NT5DC4: variants seen among roughly 807,000 people sequenced by gnomAD.
The protein encoded by NT5DC4 is 5'-nucleotidase domain-containing protein 4.
NT5DC4 carries 44 observed loss-of-function variants against 26.6 expected under a neutral mutation model. The ratio of observed to expected loss-of-function variants is 1.65; its 90% CI spans 1.30 to 2.13. The LOEUF (loss-of-function observed/expected upper bound fraction) is 2.13. Among genes scored for constraint, NT5DC4 ranks in the 30% most tolerant of loss-of-function variants. The pLI is 0.00. For missense variants in NT5DC4, 399 were observed against 228.1 expected, an observed-to-expected ratio of 1.75 and a Z score of -4.83; for synonymous variants, 157 against 86.7, an observed-to-expected ratio of 1.81 and a Z score of -4.51.
chr2:112,735,038 A>ATTTTTTTTTTTT (rs70965024), intron 16 of NT5DC4, among the ~76,000 whole-genome samples: 1 of 94,492 alleles, frequency 1.1e-5, no homozygotes. Flanking sequence ...AGGCAAGAAC[A>ATTTTTTTTTTTT]TTTTTTTTTT....
At chr2:112,719,970 CTTTCTTTCTTTCTTTCTT>C (rs1397151157), upstream of NT5DC4, among the ~76,000 whole-genome samples, 1 of 80,782 alleles carries the variant, frequency 1.2e-5, no homozygotes, top group African/African-American at 5.0e-5. Context: ...TTCTTTCTTT[CTTTCTTTCTTTCTTTCTT>C]TTTCTTTTCT....
intron 15 of NT5DC4, 51 bp from the exon 16 acceptor site, chr2:112,729,576 G>A: frequency 1.4e-6 from 1 of 716,982 alleles, no homozygotes; most frequent in Non-Finnish European, 2.6e-6. Context: ...AATCCTGGAA[G>A]GCCGTACCCG....
upstream of NT5DC4, among the ~76,000 whole-genome samples, chr2:112,719,970 C>CT (rs869063011): frequency 1.4e-4 from 11 of 80,804 alleles, no homozygotes; most frequent in South Asian, 6.7e-4. Flanking sequence ...TTCTTTCTTT[C>CT]TTTCTTTCTT....
At chr2:112,733,325 C>G (rs1678700540) in intron 16 of NT5DC4, among the ~76,000 whole-genome samples, 1 of 150,740 alleles carries the variant, frequency 6.6e-6, no homozygotes, top group African/African-American at 2.4e-5. Context: ...AGAAGCACAC[C>G]ATTGCTTCCA....
At chr2:112,719,980 T>TTC (rs1216308654), upstream of NT5DC4, among the ~76,000 whole-genome samples, 23 of 124,694 alleles carry the variant, frequency 1.8e-4, no homozygotes, top group South Asian at 2.7e-3. Flanking sequence ...CTTTCTTTCT[T>TTC]TCTTTCTTTT....
At chr2:112,720,660 C>A (rs371113993), upstream of NT5DC4, among the ~76,000 whole-genome samples, 7 of 152,328 alleles carry the variant, frequency 4.6e-5, no homozygotes, top group East Asian at 1.2e-3. Context: ...AATTTGATAA[C>A]CAAATGTGTC....
upstream of NT5DC4, among the ~76,000 whole-genome samples, chr2:112,719,926 C>A (rs55742996): frequency 1.8e-4 from 3 of 16,916 alleles, no homozygotes; most frequent in East Asian, 4.4e-3. Flanking sequence ...CTTTCTTTCT[C>A]TTTCTTTCTT....
downstream of NT5DC4, among the ~76,000 whole-genome samples, chr2:112,740,125 C>T (rs966472289): frequency 6.6e-6 from 1 of 152,222 alleles, no homozygotes; most frequent in Non-Finnish European, 1.5e-5. Context: ...TTTTCATCTA[C>T]TTATGAGCTG....
downstream of NT5DC4, chr2:112,742,284 A>G: frequency 1.5e-6 from 1 of 683,682 alleles, no homozygotes; most frequent in Admixed American, 2.1e-5. Flanking sequence ...ACTGACAGTG[A>G]TGGTCATCCA....
chr2:112,737,965 T>G (rs1180120070), intron 16 of NT5DC4: 1 of 152,228 alleles, frequency 6.6e-6, no homozygotes, highest in African/African-American at 2.4e-5. Context: ...TACACAATTA[T>G]ATTTACATAA....
rs922610729 is a variant in NT5DC4 at position 112,722,296 on chromosome 2, C to T, written c.362+18C>T. The stretch of plus-strand genomic sequence containing the variant: ...CTCTCGGAGTAAGGGACAAAGGTGC[C>T]GGGAGAGTGGCAGGCCAGGAGGGGA... On this transcript the variant is annotated intron_variant, in intron 4 of 16. Coordinates refer to ENST00000688554, the MANE Select transcript of NT5DC4 (RefSeq NM_001393655.1). 21 of 716,868 alleles carry T rather than the reference C, an allele frequency of 2.9e-5. No homozygotes were observed. Among genetic ancestry groups the T allele is most frequent in the Admixed American group, 1.2e-4 (6 of 50,000 alleles). The allele number at this position is 716,868 out of a possible 1,614,324, so 44.4% of individuals were successfully genotyped here.
At chr2:112,722,128 G>C in intron 3 of NT5DC4, 25 bp downstream of exon 3, 2 of 713,426 alleles carry the variant, frequency 2.8e-6, no homozygotes, top group East Asian at 5.4e-5. Context: ...ACAGGTGGGA[G>C]GCCACCCGGC....
At chr2:112,742,329 C>T (rs908570828), downstream of NT5DC4, 29 of 712,670 alleles carry the variant, frequency 4.1e-5, no homozygotes, top group African/African-American at 1.6e-4. Flanking sequence ...ATTTTTAAAG[C>T]GTAACACAAA....
At chr2:112,719,887 TTCC>T (rs1676674822), upstream of NT5DC4, among the ~76,000 whole-genome samples, 1 of 90,206 alleles carries the variant, frequency 1.1e-5, no homozygotes, top group Non-Finnish European at 2.3e-5. Context: ...CTTTCTTTCT[TTCC>T]TTTCTTTCTT....
chr2:112,729,387 G>T (rs985453680), intron 15 of NT5DC4, among the ~76,000 whole-genome samples: 7 of 152,248 alleles, frequency 4.6e-5, no homozygotes, highest in African/African-American at 1.7e-4. Flanking sequence ...CTCCCAAAGT[G>T]CTGGGATTAC....
intron 13 of NT5DC4, among the ~76,000 whole-genome samples, chr2:112,725,913 T>G (rs1216499593): frequency 1.4e-5 from 2 of 142,674 alleles, no homozygotes; most frequent in Non-Finnish European, 3.0e-5. Flanking sequence ...AGGTATGACT[T>G]GAAGTCATCC....
intron 7 of NT5DC4, 93 bp from the exon 8 acceptor site, chr2:112,723,325 C>T (rs971257841): frequency 2.9e-6 from 2 of 689,912 alleles, no homozygotes; most frequent in African/African-American, 1.8e-5. Context: ...GCCCACTTTT[C>T]TCATCTTGGA....
chr2:112,734,279 G>T (rs1004430187), intron 16 of NT5DC4, among the ~76,000 whole-genome samples: 3 of 149,532 alleles, frequency 2.0e-5, no homozygotes, highest in South Asian at 4.4e-4. Flanking sequence ...GAATTTATTG[G>T]TTCATATAAC....
At chr2:112,740,742 G>T, downstream of NT5DC4, 2 of 1,237,436 alleles carry the variant, frequency 1.6e-6, no homozygotes, top group East Asian at 2.3e-5. Flanking sequence ...AGTTACTCTA[G>T]ATCTGTGAAG....
Sources: gnomAD v4.1 joint callset for allele counts (sites outside exome capture counted in the v4.1 genomes callset) on GRCh38, gnomAD v4.1.1 for gene constraint, MANE v1.5 for transcripts, NCBI Gene and HGNC (gene_info 2026-07-23, HGNC 2026-07-21) for gene names.